The following BRINP3 variants were observed in gnomAD, a reference collection of about 807,000 sequenced individuals.
The protein encoded by BRINP3 is BMP/retinoic acid inducible neural specific 3.
Under a neutral mutation model 71.0 loss-of-function variants are expected in BRINP3, and 19 were observed. The ratio of observed to expected loss-of-function variants is 0.27; its 90% confidence interval spans 0.19 to 0.39. BRINP3 has a LOEUF of 0.39. Among genes scored for constraint, BRINP3 ranks in the 10% least tolerant of loss-of-function variants. The pLI is 1.00. For synonymous variants in BRINP3, 380 were observed against 337.7 expected (o/e 1.13, Z -1.37); for missense variants, 959 against 940.8 (o/e 1.02, Z -0.25).
At chr1:190,462,014 G>A (rs1262613228) in intron 1 of BRINP3, among the ~76,000 whole-genome samples, 1 of 152,052 alleles carries the variant, frequency 6.6e-6, no homozygotes, top group African/African-American at 2.4e-5. Flanking sequence ...CCCAGTTCAG[G>A]CGATTCTCCT....
intron 6 of BRINP3, among the ~76,000 whole-genome samples, chr1:190,190,426 C>G (rs1653931222): frequency 6.6e-6 from 1 of 152,112 alleles, no homozygotes; most frequent in South Asian, 2.1e-4. Flanking sequence ...CAACCAGGTA[C>G]TATGATCTCT....
chr1:190,220,599 G>A (rs1248839953), intron 6 of BRINP3, among the ~76,000 whole-genome samples: 1 of 151,948 alleles, frequency 6.6e-6, no homozygotes, highest in Non-Finnish European at 1.5e-5. Context: ...AATTTGTCTG[G>A]CGACAAACTT....
At chr1:190,454,422 A>G (rs534057080) in intron 2 of BRINP3, among the ~76,000 whole-genome samples, 9 of 152,332 alleles carry the variant, frequency 5.9e-5, no homozygotes, top group East Asian at 5.8e-4. Context: ...GCAGTGTAGC[A>G]TGCTTAAATT....
chr1:190,358,489 G>A (rs1466412364), intron 2 of BRINP3, among the ~76,000 whole-genome samples: 1 of 152,036 alleles, frequency 6.6e-6, no homozygotes, highest in African/African-American at 2.4e-5. Flanking sequence ...TTAGAATCGC[G>A]ATCATTAAAA....
chr1:190,436,315 T>G (rs1674451019), intron 2 of BRINP3, among the ~76,000 whole-genome samples: 1 of 151,870 alleles, frequency 6.6e-6, no homozygotes. Context: ...TTATGTAGAT[T>G]AACCAAAGGT....
intron 7 of BRINP3, among the ~76,000 whole-genome samples, chr1:190,101,877 C>CT (rs1453455791): frequency 6.6e-6 from 1 of 152,114 alleles, no homozygotes; most frequent in Non-Finnish European, 1.5e-5. Context: ...AAAGCAAGAA[C>CT]TTTTTTCAGC....
intron 2 of BRINP3, among the ~76,000 whole-genome samples, chr1:190,424,894 A>C (rs1433144045): frequency 6.6e-6 from 1 of 151,692 alleles, no homozygotes; most frequent in Non-Finnish European, 1.5e-5. Flanking sequence ...AGTAAGTATG[A>C]TGACATGGCC....
chr1:190,140,299 T>C (rs1319559640), intron 7 of BRINP3, among the ~76,000 whole-genome samples: 1 of 152,150 alleles, frequency 6.6e-6, no homozygotes, highest in Admixed American at 6.5e-5. Flanking sequence ...CTTTTAAATA[T>C]ACTTGTATTA....
chr1:190,374,682 A>T (rs1437212983), intron 2 of BRINP3, among the ~76,000 whole-genome samples: 1 of 152,010 alleles, frequency 6.6e-6, no homozygotes, highest in Non-Finnish European at 1.5e-5. Context: ...TGTGAGAGAC[A>T]ACTTATTTAT....
intron 6 of BRINP3, among the ~76,000 whole-genome samples, chr1:190,191,921 T>C (rs1175450822): frequency 6.6e-6 from 1 of 152,098 alleles, no homozygotes; most frequent in Non-Finnish European, 1.5e-5. Context: ...ATAAAACAGG[T>C]TTAAAAATAG....
chr1:190,323,597 C>CAA lies in BRINP3; in HGVS notation c.237-41849_237-41848dup, dbSNP rs60597619. 3.2e-5 allele frequency among the ~76,000 whole-genome samples: 4 copies of CAA among 126,514 alleles called. No homozygotes were observed. In the Admixed American group the frequency reaches 3.2e-4, roughly 10 times the overall value. 83.0% of individuals were successfully genotyped at this position (126,514 alleles called of 152,430 possible). On this transcript the variant is annotated intron_variant, in intron 2 of 7. Coordinates refer to ENST00000367462, the MANE Select transcript of BRINP3 (RefSeq NM_199051.3). ...CCTCAGAAACATGCTTAAGAAAATACAAAAAAAAAAAAATAAGAATTTTTT... is the reference window on the plus strand; with the variant it reads ...CCTCAGAAACATGCTTAAGAAAATACAAAAAAAAAAAAAAATAAGAATTTTTT...
chr1:190,408,782 G>T (rs1672469091), intron 2 of BRINP3, among the ~76,000 whole-genome samples: 2 of 152,126 alleles, frequency 1.3e-5, no homozygotes, highest in African/African-American at 4.8e-5. Context: ...CATTGAATAG[G>T]CTATCAACCA....
chr1:190,129,200 T>C (rs1287222251), intron 7 of BRINP3, among the ~76,000 whole-genome samples: 5 of 151,858 alleles, frequency 3.3e-5, no homozygotes, highest in Non-Finnish European at 7.4e-5. Flanking sequence ...GACATCAGAG[T>C]GAGAAAGCTA....
intron 7 of BRINP3, among the ~76,000 whole-genome samples, chr1:190,158,324 C>A (rs992294868): frequency 2.0e-5 from 3 of 152,048 alleles, no homozygotes; most frequent in African/African-American, 7.2e-5. Flanking sequence ...CCATGTGGAA[C>A]TGTAAGTCCA....
chr1:190,452,512 TAAC>T (rs1175223114), intron 2 of BRINP3, among the ~76,000 whole-genome samples: 1 of 152,212 alleles, frequency 6.6e-6, no homozygotes, highest in African/African-American at 2.4e-5. Context: ...TCATTACCTT[TAAC>T]ATCTGTGATC....
intron 7 of BRINP3, among the ~76,000 whole-genome samples, chr1:190,141,255 A>G (rs1655406997): frequency 6.6e-6 from 1 of 152,108 alleles, no homozygotes; most frequent in Non-Finnish European, 1.5e-5. Context: ...AATATAATAT[A>G]TTTTATAGAT....
At chr1:190,371,852 C>A (rs1360452240) in intron 2 of BRINP3, among the ~76,000 whole-genome samples, 1 of 152,066 alleles carries the variant, frequency 6.6e-6, no homozygotes, top group Non-Finnish European at 1.5e-5. Context: ...TTCAGAGAGT[C>A]TCCGACCCCT....
At chr1:190,147,961 T>TGA (rs145878883) in intron 7 of BRINP3, among the ~76,000 whole-genome samples, 27 of 152,304 alleles carry the variant, frequency 1.8e-4, no homozygotes, top group Non-Finnish European at 3.8e-4. Context: ...ACATGTAAGA[T>TGA]GAGCACGCTA....
At chr1:190,168,969 C>T (rs978872836) in intron 6 of BRINP3, among the ~76,000 whole-genome samples, 1 of 152,110 alleles carries the variant, frequency 6.6e-6, no homozygotes, top group Non-Finnish European at 1.5e-5. Flanking sequence ...TAAAGATTCT[C>T]ATTGTATTCT....
Sources: gnomAD v4.1 joint callset for allele counts (sites outside exome capture counted in the v4.1 genomes callset) on GRCh38, gnomAD v4.1.1 for gene constraint, MANE v1.5 for transcripts, NCBI Gene and HGNC (gene_info 2026-07-23, HGNC 2026-07-21) for gene names.